Variants in ABHD5 observed in about 807,000 individuals in gnomAD.
The protein encoded by ABHD5 is abhydrolase domain containing 5, lysophosphatidic acid acyltransferase.
In ABHD5, 30 loss-of-function variants were observed where a neutral mutation model predicts 44.9. That is an observed-to-expected ratio of 0.67 (90% CI 0.50 to 0.91). The LOEUF (loss-of-function observed/expected upper bound fraction) is 0.91. Among genes scored for constraint, ABHD5 ranks in the 40% least tolerant of loss-of-function variants. ABHD5 has a pLI of 0.00. For missense variants in ABHD5, 399 were observed against 423.4 expected (o/e 0.94, Z 0.50); for synonymous variants, 167 against 147.0 (o/e 1.14, Z -0.99).
intron 7 of ABHD5, among the ~76,000 whole-genome samples, chr3:43,733,474 G>T (rs888708921): frequency 6.6e-6 from 1 of 152,166 alleles, no homozygotes; most frequent in Non-Finnish European, 1.5e-5. Context: ...TTTTTAATTT[G>T]CATTGTAAAA....
At chr3:43,706,914 T>G (rs915061977) in intron 3 of ABHD5, among the ~76,000 whole-genome samples, 1 of 152,256 alleles carries the variant, frequency 6.6e-6, no homozygotes, top group Non-Finnish European at 1.5e-5. Context: ...AAGCCATAAC[T>G]ACTTCAGTCC....
At position 43,721,412 on chromosome 3, in the gene ABHD5, G is replaced by C. The variant is rs986232748; in HGVS notation, c.*2880G>C. ...CTTTCCTAGGACTGAAAATTCAGAA[G>C]CAATAAAAAGAGAAGTCTATAGAAG... On this transcript the variant is annotated 3_prime_UTR_variant, in exon 7 of 7. Coordinates refer to ENST00000644371, the MANE Select transcript of ABHD5 (RefSeq NM_016006.6). 4.6e-5 allele frequency: 7 copies of C among 151,958 alleles called. No individual in the cohort carries two copies. Among genetic ancestry groups the C allele is most frequent in the Non-Finnish European group, 7.4e-5 (5 of 67,998 alleles). 9.4% of individuals were successfully genotyped at this position (151,958 alleles called of 1,614,324 possible). A position where few individuals can be genotyped will look rare whatever the true frequency, so the allele number is the denominator to read the frequency against.
chr3:43,718,372 T>C, intron 6 of ABHD5, 71 bp from the exon 7 acceptor site: 1 of 1,257,904 alleles, frequency 7.9e-7, no homozygotes, highest in Non-Finnish European at 1.2e-6. Context: ...CTAAGTGTCT[T>C]TGCTTATATA....
intron 3 of ABHD5, among the ~76,000 whole-genome samples, chr3:43,710,023 A>G (rs1211103323): frequency 2.0e-5 from 3 of 152,202 alleles, no homozygotes; most frequent in African/African-American, 7.2e-5. Context: ...AGCCTGGGCG[A>G]CAGAGTGAGA....
At chr3:43,717,528 C>CTCATAAATTATTT (rs1326974370) in intron 5 of ABHD5, 143 bp from the exon 6 acceptor site, 1 of 838,438 alleles carries the variant, frequency 1.2e-6, no homozygotes, top group Non-Finnish European at 2.0e-6. Context: ...CTTACACTGT[C>CTCATAAATTATTT]TCATAAATTA....
intron 3 of ABHD5, among the ~76,000 whole-genome samples, chr3:43,709,611 A>T (rs1296644848): frequency 6.6e-6 from 1 of 152,210 alleles, no homozygotes; most frequent in East Asian, 1.9e-4. Context: ...TTGGGAGATA[A>T]GTCAGTAGTG....
At chr3:43,701,989 T>A (rs1451264393) in intron 2 of ABHD5, 1 of 481,390 alleles carries the variant, frequency 2.1e-6, no homozygotes, top group East Asian at 3.4e-5. Context: ...TGATCACAGG[T>A]TACTTGAGGT....
intron 2 of ABHD5, among the ~76,000 whole-genome samples, chr3:43,699,917 G>A (rs1363579786): frequency 6.6e-6 from 1 of 152,156 alleles, no homozygotes; most frequent in Admixed American, 6.5e-5. Flanking sequence ...AAAATAGAAA[G>A]TCTTAGTATT....
chr3:43,712,944 T>A (rs2084707116), intron 4 of ABHD5, among the ~76,000 whole-genome samples: 1 of 152,062 alleles, frequency 6.6e-6, no homozygotes, highest in Non-Finnish European at 1.5e-5. Flanking sequence ...AAAGAAGAAA[T>A]TTCTGTGATG....
chr3:43,713,672 A>G (rs2149603626), intron 4 of ABHD5, among the ~76,000 whole-genome samples: 1 of 152,294 alleles, frequency 6.6e-6, no homozygotes, highest in Admixed American at 6.5e-5. Context: ...TTCTCTGGTA[A>G]ACTACTTAAG....
At chr3:43,716,404 T>C (rs1011794375) in intron 5 of ABHD5, among the ~76,000 whole-genome samples, 4 of 152,268 alleles carry the variant, frequency 2.6e-5, no homozygotes, top group African/African-American at 9.6e-5. Context: ...ATCTCATCCT[T>C]TCTAAGACTG....
At chr3:43,702,649 C>T in intron 3 of ABHD5, 62 bp downstream of exon 3, 2 of 1,612,382 alleles carry the variant, frequency 1.2e-6, no homozygotes, top group Non-Finnish European at 1.7e-6. Context: ...GACTCTAGTT[C>T]CCATCTTTGG....
chr3:43,690,973 G>T lies in ABHD5; in HGVS notation c.-20G>T, dbSNP rs1364247609. On this transcript the variant is annotated 5_prime_UTR_variant, in exon 1 of 7. Transcript: ENST00000644371. Reference sequence around the variant, plus strand: ...TCAGCCGGCTTCGAGATAAGTCCCGGCGCTTGCGCGGCGGCGGCTATGGCG... The same window carrying T: ...TCAGCCGGCTTCGAGATAAGTCCCGTCGCTTGCGCGGCGGCGGCTATGGCG... The T allele has an allele frequency of 6.4e-7, 1 of 1,570,354 alleles. No homozygotes were observed. The highest frequency in any genetic ancestry group is 1.2e-5 in the South Asian group (1 of 86,942).
intron 1 of ABHD5, among the ~76,000 whole-genome samples, chr3:43,697,160 G>A (rs567659516): frequency 1.8e-4 from 27 of 152,310 alleles, no homozygotes; most frequent in African/African-American, 6.5e-4. Context: ...AGGCTGGTAT[G>A]TAACTTTTTA....
rs2084785720 is a variant in ABHD5, at chr3:43,717,789, T to G, written c.892T>G (p.Ser298Ala). The G allele has an allele frequency of 1.2e-6, 2 of 1,614,250 alleles. No individual in the cohort carries two copies. The highest frequency in any genetic ancestry group is 1.7e-6 in the Non-Finnish European group (2 of 1,180,050). ...IPVSVIFGARSCIDGNSGTSI... is the reference protein window; with the variant it reads ...IPVSVIFGARACIDGNSGTSI... ...AGTTTCAGTGATCTTTGGCGCCCGA[T>G]CCTGCATAGATGGCAATTCTGGCAC... The change falls in exon 6 of 7, where the codon TCC becomes GCC. Residue 298 changes from serine to alanine, a missense_variant. Ser to Ala is a moderately conservative substitution (Grantham distance 99). Transcript: ENST00000644371.
At chr3:43,701,729 C>T (rs1330668711) in intron 2 of ABHD5, among the ~76,000 whole-genome samples, 1 of 152,068 alleles carries the variant, frequency 6.6e-6, no homozygotes, top group African/African-American at 2.4e-5. Flanking sequence ...GTAATCCTTC[C>T]CTAAATTCAT....
rs1247798330 is a variant in ABHD5 at position 43,721,226 on chromosome 3, TG to T, written c.*2696del. On this transcript the variant is annotated 3_prime_UTR_variant, in exon 7 of 7. Coordinates refer to ENST00000644371, the MANE Select transcript of ABHD5 (RefSeq NM_016006.6). ...TTTAAAAATGGTGTTGAGAGAAGTG[TG>T]GTTAACCATTTGGAAAAAAAAATAA... The T allele has an allele frequency of 6.6e-6, 1 of 152,066 alleles. No individual in the cohort carries two copies. The highest frequency in any genetic ancestry group is 1.5e-5 in the Non-Finnish European group (1 of 68,016). The allele number at this position is 152,066 out of a possible 1,614,324, so 9.4% of individuals were successfully genotyped here. A position where few individuals can be genotyped will look rare whatever the true frequency, so the allele number is the denominator to read the frequency against.
In ABHD5 at chr3:43,720,050, T is replaced by G. The variant is rs866306269; in HGVS notation, c.*1518T>G. ...AGACAAATTATACTGAAGCATGATA[T>G]AAACATCTTCCCAATGAACAATTTG... On this transcript the variant is annotated 3_prime_UTR_variant, in exon 7 of 7. Transcript: ENST00000644371. The G allele has an allele frequency of 7.2e-5, 11 of 152,328 alleles. No individual in the cohort carries two copies. Among genetic ancestry groups the G allele is most frequent in the African/African-American group, 2.4e-4 (10 of 41,596 alleles). 9.4% of individuals were successfully genotyped at this position (152,328 alleles called of 1,614,324 possible). A position where few individuals can be genotyped will look rare whatever the true frequency, so the allele number is the denominator to read the frequency against.
chr3:43,730,953 T>C lies in ABHD5; in HGVS notation c.*30-2927T>C, dbSNP rs2084909099. ...AAGCAATTCTCCTGCCTTAGCCTCCTGAGTAGCTGCGACTACAGGTGCATG... is the reference window on the plus strand; with the variant it reads ...AAGCAATTCTCCTGCCTTAGCCTCCCGAGTAGCTGCGACTACAGGTGCATG... On this transcript the variant is annotated intron_variant, in intron 7 of 7. Transcript: ENST00000454293. Among the ~76,000 whole-genome samples the C allele has an allele frequency of 2.0e-5, 3 of 152,160 alleles. No homozygotes were observed. In the South Asian group the frequency reaches 6.2e-4, roughly 31 times the overall value.
Sources: gnomAD v4.1 joint callset for allele counts (sites outside exome capture counted in the v4.1 genomes callset) on GRCh38, gnomAD v4.1.1 for gene constraint, MANE v1.5 for transcripts, NCBI Gene and HGNC (gene_info 2026-07-23, HGNC 2026-07-21) for gene names.